The following DACH1 variants were observed in gnomAD, a reference collection of about 807,000 sequenced individuals.
DACH1 encodes the protein dachshund family transcription factor 1, also known as dachshund homolog 1.
In DACH1, 12 loss-of-function variants were observed where a neutral mutation model predicts 54.2. That is an observed-to-expected ratio of 0.22 (90% confidence interval 0.14 to 0.36). The LOEUF is 0.36. Ranked by LOEUF, DACH1 falls within the 10% of genes least tolerant of loss-of-function variation. The pLI is 1.00. For synonymous variants in DACH1, 386 were observed against 366.2 expected (o/e 1.05, Z -0.62); for missense variants, 805 against 929.8 (o/e 0.87, Z 1.75).
At chr13:71,790,191 A>G (rs1383761922) in intron 1 of DACH1, among the ~76,000 whole-genome samples, 1 of 152,164 alleles carries the variant, frequency 6.6e-6, no homozygotes, top group Non-Finnish European at 1.5e-5. Flanking sequence ...GATAAGGGAC[A>G]AATAGGATTT....
chr13:71,727,633 C>G (rs1883534396), intron 1 of DACH1, among the ~76,000 whole-genome samples: 1 of 151,960 alleles, frequency 6.6e-6, no homozygotes, highest in South Asian at 2.1e-4. Flanking sequence ...CAATAAAGAG[C>G]TGAAAATGAG....
intron 7 of DACH1, among the ~76,000 whole-genome samples, chr13:71,488,531 T>C (rs941383442): frequency 6.6e-6 from 1 of 152,156 alleles, no homozygotes; most frequent in African/African-American, 2.4e-5. Context: ...AACTTATTTA[T>C]GAAAGAAGGC....
At chr13:71,835,320 A>T (rs1888742898) in intron 1 of DACH1, among the ~76,000 whole-genome samples, 1 of 152,110 alleles carries the variant, frequency 6.6e-6, no homozygotes, top group Admixed American at 6.6e-5. Flanking sequence ...GAAGAAGTAA[A>T]CTAAAGAAAA....
intron 2 of DACH1, among the ~76,000 whole-genome samples, chr13:71,633,621 C>T (rs1276067559): frequency 6.6e-6 from 1 of 152,010 alleles, no homozygotes; most frequent in Non-Finnish European, 1.5e-5. Flanking sequence ...CACACACACA[C>T]TCATACACTT....
At chr13:71,620,451 C>G (rs1876142711) in intron 3 of DACH1, among the ~76,000 whole-genome samples, 1 of 151,728 alleles carries the variant, frequency 6.6e-6, no homozygotes, top group South Asian at 2.1e-4. Context: ...CCCCTCAGCT[C>G]TATTATATGG....
chr13:71,486,836 C>G (rs1360042367), intron 7 of DACH1, among the ~76,000 whole-genome samples: 1 of 150,850 alleles, frequency 6.6e-6, no homozygotes, highest in Non-Finnish European at 1.5e-5. Context: ...ATCTATCTAT[C>G]TATCTATCTA....
chr13:71,496,255 T>G (rs1879397451), intron 6 of DACH1, among the ~76,000 whole-genome samples: 1 of 44,376 alleles, frequency 2.3e-5, no homozygotes, highest in Non-Finnish European at 4.0e-5. Flanking sequence ...ACAAAAAAAT[T>G]GCTATGTATA....
At chr13:71,748,898 C>CTTTCTTTCTCTT (rs1368876638) in intron 1 of DACH1, among the ~76,000 whole-genome samples, 7 of 39,590 alleles carry the variant, frequency 1.8e-4, no homozygotes, top group Non-Finnish European at 2.4e-4. Flanking sequence ...TTCTTTCTTT[C>CTTTCTTTCTCTT]TCTTTCTTTC....
chr13:71,481,006 C>G (rs1313770177), intron 7 of DACH1, among the ~76,000 whole-genome samples: 1 of 152,110 alleles, frequency 6.6e-6, no homozygotes, highest in Non-Finnish European at 1.5e-5. Context: ...CATCTTAACT[C>G]AATTCAACAA....
At chr13:71,477,104 ATTTTTTTTT>A (rs565497537) in intron 8 of DACH1, among the ~76,000 whole-genome samples, 1 of 43,256 alleles carries the variant, frequency 2.3e-5, no homozygotes, top group African/African-American at 8.6e-5. Context: ...ATATATATAT[ATTTTTTTTT>A]TTTTTTTTTT....
At chr13:71,580,326 G>C (rs1454409891) in intron 3 of DACH1, among the ~76,000 whole-genome samples, 1 of 152,024 alleles carries the variant, frequency 6.6e-6, no homozygotes, top group Non-Finnish European at 1.5e-5. Flanking sequence ...TCTTCTGTTA[G>C]GTAAACCAAT....
intron 1 of DACH1, among the ~76,000 whole-genome samples, chr13:71,861,687 T>A (rs1874365350): frequency 6.6e-6 from 1 of 151,974 alleles, no homozygotes; most frequent in Non-Finnish European, 1.5e-5. Flanking sequence ...ATTAATCTAC[T>A]GTAATACGAA....
intron 1 of DACH1, among the ~76,000 whole-genome samples, chr13:71,810,229 A>G (rs576664294): frequency 2.0e-4 from 31 of 152,322 alleles, no homozygotes; most frequent in African/African-American, 7.0e-4. Context: ...CTTAGAAAGA[A>G]TTAATCCATT....
At chr13:71,849,480 T>C (rs368404267) in intron 1 of DACH1, among the ~76,000 whole-genome samples, 2 of 152,210 alleles carry the variant, frequency 1.3e-5, no homozygotes, top group Non-Finnish European at 2.9e-5. Context: ...GCACAATTGA[T>C]CTGATCAGCC....
intron 10 of DACH1, among the ~76,000 whole-genome samples, chr13:71,473,142 G>C (rs1353360066): frequency 6.6e-6 from 1 of 152,110 alleles, no homozygotes; most frequent in Non-Finnish European, 1.5e-5. Context: ...TAAATATAAT[G>C]AATAGTTAGT....
chr13:71,543,774 T>G (rs1006761300), intron 6 of DACH1, among the ~76,000 whole-genome samples: 2 of 152,156 alleles, frequency 1.3e-5, no homozygotes, highest in Non-Finnish European at 2.9e-5. Flanking sequence ...ATTTATGACA[T>G]AGGTCATGCG....
intron 1 of DACH1, among the ~76,000 whole-genome samples, chr13:71,800,885 A>AG (rs968358803): frequency 4.9e-4 from 74 of 151,902 alleles, no homozygotes; most frequent in Non-Finnish European, 2.2e-4. Flanking sequence ...CAATAAAAAA[A>AG]ATACTCTGCC....
chr13:71,639,503 G>A lies in DACH1; in HGVS notation c.965-8786C>T, dbSNP rs919115110. On this transcript the variant is annotated intron_variant, in intron 2 of 10. Transcript: ENST00000613252. ...ATTGAATTAGATTTTTTAAATGTTT[G>A]TACTAACAACAACAAAAAAACCCCA... Among the ~76,000 whole-genome samples, 24 of 151,960 alleles carry A rather than the reference G, an allele frequency of 1.6e-4. 1 individual carries two copies. Among genetic ancestry groups the A allele is most frequent in the Non-Finnish European group, 3.5e-4 (24 of 67,948 alleles).
At chr13:71,758,707 C>T (rs1885274121) in intron 1 of DACH1, among the ~76,000 whole-genome samples, 3 of 151,920 alleles carry the variant, frequency 2.0e-5, no homozygotes, top group Non-Finnish European at 4.4e-5. Context: ...ATGGGTCTGC[C>T]GAAGGAAGTT....
Sources: allele counts gnomAD v4.1 joint callset (sites outside exome capture counted in the v4.1 genomes callset), GRCh38; gene constraint gnomAD v4.1.1; transcripts MANE v1.5; gene names NCBI Gene and HGNC (gene_info 2026-07-23, HGNC 2026-07-21).